Variants in SIRPA observed in about 807,000 individuals in gnomAD.
SIRPA encodes the protein tyrosine-protein phosphatase non-receptor type substrate 1.
In SIRPA, 9 loss-of-function variants were observed where a neutral mutation model predicts 50.3. That is an observed-to-expected ratio of 0.18 (90% confidence interval 0.11 to 0.31). The LOEUF is 0.31. SIRPA is among the 10% of genes least tolerant of loss of function. SIRPA has a pLI of 1.00. For missense variants in SIRPA, 474 were observed against 661.6 expected (o/e 0.72, Z 3.11); for synonymous variants, 265 against 284.1 (o/e 0.93, Z 0.68).
intron 2 of SIRPA, among the ~76,000 whole-genome samples, chr20:1,915,744 C>T (rs1985243228): frequency 6.6e-6 from 1 of 152,234 alleles, no homozygotes; most frequent in African/African-American, 2.4e-5. Flanking sequence ...GATGAGGAAA[C>T]TGACAGATAG....
intron 5 of SIRPA, among the ~76,000 whole-genome samples, chr20:1,926,668 A>T (rs772880290): frequency 6.6e-6 from 1 of 152,222 alleles, no homozygotes; most frequent in Non-Finnish European, 1.5e-5. Context: ...CTCATGGGTG[A>T]CATTACTAAC....
rs917258914 is a variant in SIRPA at position 1,915,036 on chromosome 20, A to G, written c.80-63A>G. 9.5e-6 allele frequency: 12 copies of G among 1,269,624 alleles called. No individual in the cohort carries two copies. In the African/African-American group the frequency reaches 1.2e-4, roughly 12 times the overall value. The allele number at this position is 1,269,624 out of a possible 1,614,324, so 78.6% of individuals were successfully genotyped here. A position where few individuals can be genotyped will look rare whatever the true frequency, so the allele number is the denominator to read the frequency against. On this transcript the variant is annotated intron_variant, in intron 1 of 7. Coordinates refer to ENST00000358771, the MANE Select transcript of SIRPA (RefSeq NM_001040023.2). ...CAGTCAATGAACGTCATTGATAAAC[A>G]CTTGAGGAAACACAGAGGATCACGT...
chr20:1,896,098 C>G lies in SIRPA; in HGVS notation c.79+572C>G, dbSNP rs1276644240. On this transcript the variant is annotated intron_variant, in intron 1 of 7. Coordinates refer to ENST00000358771, the MANE Select transcript of SIRPA (RefSeq NM_001040023.2). Reference sequence around the variant, plus strand: ...GGGAGCCGGGAGGCCGCGGTAACCCCAGAGCGAGCTGCTGCGAGCAACAGA... The same window carrying G: ...GGGAGCCGGGAGGCCGCGGTAACCCGAGAGCGAGCTGCTGCGAGCAACAGA... Among the ~76,000 whole-genome samples the G allele has an allele frequency of 2.0e-5, 3 of 152,180 alleles. No individual in the cohort carries two copies. In the East Asian group the frequency reaches 5.8e-4, roughly 29 times the overall value.
intron 2 of SIRPA, among the ~76,000 whole-genome samples, chr20:1,919,607 G>T (rs1400728211): frequency 4.6e-5 from 7 of 152,032 alleles, no homozygotes; most frequent in African/African-American, 1.7e-4. Context: ...CTAAATGACC[G>T]CCGGAATCCC....
Position 1,898,517 on chromosome 20 carries a change from G to A in SIRPA, c.79+2991G>A, listed in dbSNP as rs558909260. On this transcript the variant is annotated intron_variant, in intron 1 of 7. Transcript: ENST00000358771. The surrounding 1 kb of genome is among the most constrained non-coding windows in gnomAD (Gnocchi z 4.3). ...ATGCTGCTCCTGCGTCGTCTCACCC[G>A]CAAGACATGGATTGGCTCTTCTCCC... Among the ~76,000 whole-genome samples, 40 of 152,208 alleles carry A rather than the reference G, an allele frequency of 2.6e-4. No homozygotes were observed. Among genetic ancestry groups the A allele is most frequent in the African/African-American group, 8.4e-4 (35 of 41,516 alleles).
chr20:1,895,727 A>G (rs1192880205), intron 1 of SIRPA, among the ~76,000 whole-genome samples: 2 of 152,228 alleles, frequency 1.3e-5, no homozygotes, highest in African/African-American at 4.8e-5. Flanking sequence ...GTAGAACCCA[A>G]GTCTCTTCTA....
At position 1,915,280 on chromosome 20, in the gene SIRPA, C is replaced by G; in HGVS notation, c.261C>G (p.Phe87Leu). The G allele has an allele frequency of 6.2e-7, 1 of 1,613,318 alleles. No individual in the cohort carries two copies. Among genetic ancestry groups the G allele is most frequent in the East Asian group, 2.2e-5 (1 of 44,796 alleles). Residue 87 changes from phenylalanine to leucine, a missense_variant, in exon 2 of 8, where the codon TTC becomes TTG. Around this residue, in one of 4 missense-constraint regions of SIRPA, gnomAD observed 221 missense variants for 359.9 expected, o/e 0.61. Transcript: ENST00000358771. ...TCTACAATCAAAAAGAAGGCCACTT[C>G]CCCCGGGTAACAACTGTTTCAGACC... ...ELIYNQKEGHFPRVTTVSDLT... is the reference protein window; with the variant it reads ...ELIYNQKEGHLPRVTTVSDLT...
chr20:1,923,978 C>CTGGTTGGT (rs35923845), intron 4 of SIRPA, among the ~76,000 whole-genome samples: 221 of 150,160 alleles, frequency 1.5e-3, no homozygotes, highest in Middle Eastern at 3.4e-3. Flanking sequence ...AGTTGGTTGG[C>CTGGTTGGT]TGGTTGGTTG....
At chr20:1,894,917 G>A (rs1321240620), upstream of SIRPA, 1 of 146,698 alleles carries the variant, frequency 6.8e-6, no homozygotes, top group African/African-American at 2.5e-5. This position sits in a 1 kb window ranked among gnomAD's most constrained non-coding sequence, Gnocchi z 4.0. Flanking sequence ...GGGACTGCGG[G>A]CCGGGAGCGA....
intron 2 of SIRPA, among the ~76,000 whole-genome samples, chr20:1,920,659 T>G (rs1369688586): frequency 6.6e-6 from 1 of 152,182 alleles, no homozygotes; most frequent in Non-Finnish European, 1.5e-5. Context: ...CCTTTCAAAT[T>G]TAGCACTTGG....
chr20:1,922,042 A>G (rs548518050), intron 3 of SIRPA, among the ~76,000 whole-genome samples: 128 of 152,332 alleles, frequency 8.4e-4, no homozygotes, highest in African/African-American at 2.7e-3. Flanking sequence ...CAGTTACAAC[A>G]TTCCAACTGC....
At chr20:1,904,919 T>C (rs1984456999) in intron 1 of SIRPA, among the ~76,000 whole-genome samples, 1 of 152,114 alleles carries the variant, frequency 6.6e-6, no homozygotes, top group Non-Finnish European at 1.5e-5. Flanking sequence ...CATTCCTGAA[T>C]TGGAGTCCAG....
intron 2 of SIRPA, among the ~76,000 whole-genome samples, chr20:1,920,372 A>ATATG (rs975429191): frequency 3.3e-5 from 5 of 152,208 alleles, no homozygotes; most frequent in African/African-American, 1.2e-4. Flanking sequence ...AGTATGTGTG[A>ATATG]TATGTGCTTC....
intron 1 of SIRPA, among the ~76,000 whole-genome samples, chr20:1,903,893 C>A (rs1984385297): frequency 2.0e-5 from 3 of 152,172 alleles, no homozygotes; most frequent in South Asian, 2.1e-4. Context: ...ATTATTTCAG[C>A]CCTGTCTCCT....
At chr20:1,922,057 CA>C (rs1328197186) in intron 3 of SIRPA, among the ~76,000 whole-genome samples, 1 of 152,164 alleles carries the variant, frequency 6.6e-6, no homozygotes, top group Non-Finnish European at 1.5e-5. Flanking sequence ...AACTGCATGC[CA>C]GGGGTGGTGC....
Position 1,940,274 on chromosome 20 carries a change from C to A in SIRPA, c.*2706C>A, listed in dbSNP as rs1268147508. 6.6e-6 allele frequency: 1 copy of A among 152,244 alleles called. No individual in the cohort carries two copies. The highest frequency in any genetic ancestry group is 1.9e-4 in the East Asian group (1 of 5,192). 9.4% of individuals were successfully genotyped at this position (152,244 alleles called of 1,614,324 possible). Reference sequence around the variant, plus strand: ...AAGGAGGTTGGAAGCACTGAGCCCACGCTTGGCACTGGGTAGGCCATCACT... The same window carrying A: ...AAGGAGGTTGGAAGCACTGAGCCCAAGCTTGGCACTGGGTAGGCCATCACT... On this transcript the variant is annotated 3_prime_UTR_variant, in exon 8 of 8. Transcript: ENST00000358771.
Position 1,924,625 on chromosome 20 carries a change from A to C in SIRPA, c.1088-139A>C. 1 of 682,418 alleles carries C rather than the reference A, an allele frequency of 1.5e-6. No individual in the cohort carries two copies. The highest frequency in any genetic ancestry group is 1.7e-5 in the South Asian group (1 of 57,780). The allele number at this position is 682,418 out of a possible 1,614,324, so 42.3% of individuals were successfully genotyped here. On this transcript the variant is annotated intron_variant, in intron 4 of 7. Coordinates refer to ENST00000358771, the MANE Select transcript of SIRPA (RefSeq NM_001040023.2). This position sits in a 1 kb window ranked among gnomAD's most constrained non-coding sequence, Gnocchi z 4.5. ...TGTGTACAGACCCATGAGTGTGCCC[A>C]TGTGGCTCGAGACATCTAAGAAGGT...
At chr20:1,895,954 G>A (rs942056922) in intron 1 of SIRPA, among the ~76,000 whole-genome samples, 1 of 152,216 alleles carries the variant, frequency 6.6e-6, no homozygotes. Context: ...GGAGGTGAGG[G>A]CAGAGGTCCT....
chr20:1,901,518 G>A (rs529325931), intron 1 of SIRPA, among the ~76,000 whole-genome samples: 28 of 152,272 alleles, frequency 1.8e-4, no homozygotes, highest in African/African-American at 6.5e-4. Flanking sequence ...TGGGGGCAGT[G>A]TGTGTCCCCA....
Sources: gnomAD v4.1 joint callset for allele counts (sites outside exome capture counted in the v4.1 genomes callset) on GRCh38, gnomAD v4.1.1 for gene constraint, gnomAD v4.1.1 regional missense constraint, Gnocchi (gnomAD v3.1) non-coding constraint, MANE v1.5 for transcripts, NCBI Gene and HGNC (gene_info 2026-07-23, HGNC 2026-07-21) for gene names.